DNAJA4: variants seen among roughly 807,000 people sequenced by gnomAD.
The protein encoded by DNAJA4 is DnaJ heat shock protein family (Hsp40) member A4.
A neutral mutation model predicts 39.7 loss-of-function variants in DNAJA4; 32 were observed. The ratio of observed to expected loss-of-function variants is 0.81; its 90% CI spans 0.61 to 1.08. The LOEUF is 1.08. Ranked by LOEUF, DNAJA4 falls within the 50% of genes least tolerant of loss-of-function variation. The pLI is 0.00. For missense variants in DNAJA4, 439 were observed against 505.1 expected (o/e 0.87, Z 1.25); for synonymous variants, 184 against 182.4 (o/e 1.01, Z -0.07).
chr15:78,266,026 A>G (rs1165103359), intron 1 of DNAJA4: 2 of 588,438 alleles, frequency 3.4e-6, no homozygotes, highest in African/African-American at 3.7e-5. Flanking sequence ...CAAGTTTAAA[A>G]TGCTTTCCTG....
intron 2 of DNAJA4, among the ~76,000 whole-genome samples, chr15:78,272,455 C>G (rs2049327917): frequency 6.6e-6 from 1 of 152,204 alleles, no homozygotes; most frequent in African/African-American, 2.4e-5. Flanking sequence ...AGCCAGTAAA[C>G]CAGGACAGCT....
chr15:78,268,477 T>C (rs1285211866), intron 1 of DNAJA4, among the ~76,000 whole-genome samples: 2 of 152,234 alleles, frequency 1.3e-5, no homozygotes, highest in African/African-American at 2.4e-5. Context: ...TGGTTACTTA[T>C]TAGATTTCAA....
chr15:78,274,684 CT>C, intron 4 of DNAJA4: 3 of 496,548 alleles, frequency 6.0e-6, no homozygotes, highest in Admixed American at 6.7e-5. Flanking sequence ...TTCTAACGCT[CT>C]GAAAGTCTTA....
Position 78,264,675 on chromosome 15 carries a change from G to A in DNAJA4, c.-89G>A. On this transcript the variant is annotated 5_prime_UTR_variant, in exon 1 of 7. Transcript: ENST00000394852. ...ACCGTGACGCGCGAGCGGGCGGCGG[G>A]GGCGCGGGCCAGGGGCGCGGGCCAG... 4 of 1,025,266 alleles carry A rather than the reference G, an allele frequency of 3.9e-6. No homozygotes were observed. The highest frequency in any genetic ancestry group is 4.7e-6 in the Non-Finnish European group (4 of 854,156). 63.5% of individuals were successfully genotyped at this position (1,025,266 alleles called of 1,614,324 possible).
At chr15:78,271,426 T>C (rs2049293407) in intron 2 of DNAJA4, among the ~76,000 whole-genome samples, 1 of 152,148 alleles carries the variant, frequency 6.6e-6, no homozygotes, top group Admixed American at 6.5e-5. Flanking sequence ...CTGCAGGCTC[T>C]CTAATTCTAG....
chr15:78,264,324 G>C, upstream of DNAJA4: 3 of 1,417,372 alleles, frequency 2.1e-6, no homozygotes, highest in Middle Eastern at 3.9e-4. Context: ...ATGGCCCGGG[G>C]CGGCAGTCAG....
At chr15:78,265,477 A>G in intron 1 of DNAJA4, 1 of 702,346 alleles carries the variant, frequency 1.4e-6, no homozygotes, top group Non-Finnish European at 2.6e-6. Context: ...TCTTTATTAA[A>G]CAGGGACACG....
At chr15:78,271,338 C>G (rs549851660) in intron 2 of DNAJA4, among the ~76,000 whole-genome samples, 61 of 152,208 alleles carry the variant, frequency 4.0e-4, no homozygotes, top group African/African-American at 1.4e-3. Context: ...TGTCAGTGAT[C>G]CTTTACCGAG....
At position 78,274,219 on chromosome 15, in the gene DNAJA4, G is replaced by A. The variant is rs371681037; in HGVS notation, c.441G>A (p.Ser147=). ...KCEGVGGKKG[S]VEKCPLCKGR... is the part of the protein sequence containing the mutation. ...CAGGTGTTGGTGGGAAGAAGGGATC[G>A]GTGGAGAAGTGCCCGCTGTGCAAGG... Residue 147 remains serine (S), a synonymous_variant, in exon 4 of 7, where the codon TCG becomes TCA. Transcript: ENST00000394852. 130 of 1,613,948 alleles carry A rather than the reference G, an allele frequency of 8.1e-5. 1 individual carries two copies. The highest frequency in any genetic ancestry group is 4.0e-4 in the South Asian group (36 of 91,070).
rs185596793 is a variant in DNAJA4 at position 78,265,830 on chromosome 15, G to A, written c.132+935G>A. 313 of 610,058 alleles carry A rather than the reference G, an allele frequency of 5.1e-4. 2 individuals are homozygous for A. In the East Asian group the frequency reaches 6.5e-3, roughly 13 times the overall value. 37.8% of individuals were successfully genotyped at this position (610,058 alleles called of 1,614,324 possible). A position where few individuals can be genotyped will look rare whatever the true frequency, so the allele number is the denominator to read the frequency against. ...ATAGTAGCTGATAGCAGTGTCACTT[G>A]GGCCACGTTTGAAACCACACCAATC... On this transcript the variant is annotated intron_variant, in intron 1 of 6. Transcript: ENST00000394852.
intron 2 of DNAJA4, among the ~76,000 whole-genome samples, chr15:78,272,333 C>T (rs2049324165): frequency 6.6e-6 from 1 of 152,118 alleles, no homozygotes; most frequent in African/African-American, 2.4e-5. Context: ...AAGACTCTGT[C>T]TCAAAAACAA....
chr15:78,275,564 G>T lies in DNAJA4; in HGVS notation c.713G>T (p.Gly238Val), dbSNP rs778208624. ...GATCAGGAGCCTGAGCTGGAGCCTG[G>T]TGATGTCATAATTGTGCTTGATCAG... ...EGDQEPELEPGDVIIVLDQKD... is the reference protein window; with the variant it reads ...EGDQEPELEPVDVIIVLDQKD... Residue 238 changes from glycine (G) to valine (V), a missense_variant, in exon 5 of 7, where the codon GGT becomes GTT. Physicochemically the swap from Gly to Val is moderately radical, Grantham distance 109. Coordinates refer to ENST00000394852, the MANE Select transcript of DNAJA4 (RefSeq NM_001130182.2). 1.2e-6 allele frequency: 2 copies of T among 1,614,184 alleles called. No homozygotes were observed. Among genetic ancestry groups the T allele is most frequent in the Admixed American group, 3.3e-5 (2 of 60,026 alleles).
Position 78,275,741 on chromosome 15 carries a change from AGT to A in DNAJA4, c.877+18_877+19del. 6.4e-7 allele frequency: 1 copy of A among 1,570,050 alleles called. No individual in the cohort carries two copies. On this transcript the variant is annotated intron_variant, in intron 5 of 6. Transcript: ENST00000394852. Reference sequence around the variant, plus strand: ...ACATCCAAAGCAGGTAATGTTTCAAAGTGTGTTTCCATTGATGTTCTGTATGT... The same window carrying A: ...ACATCCAAAGCAGGTAATGTTTCAAAGTGTTTCCATTGATGTTCTGTATGT...
At position 78,270,613 on chromosome 15, in the gene DNAJA4, T is replaced by C. The variant is rs1039721633; in HGVS notation, c.249T>C (p.Ser83=). ...KEGGSGSPSF[S]SPMDIFDMFF... is the part of the protein sequence containing the mutation. ...GAGGCTCAGGCAGCCCCAGCTTCTC[T>C]TCACCCATGGACATCTTTGACATGT... Residue 83 remains serine (S), a synonymous_variant, in exon 2 of 7, where the codon TCT becomes TCC. Coordinates refer to ENST00000394852, the MANE Select transcript of DNAJA4 (RefSeq NM_001130182.2). 5 of 1,614,034 alleles carry C rather than the reference T, an allele frequency of 3.1e-6. No homozygotes were observed. Among genetic ancestry groups the C allele is most frequent in the Non-Finnish European group, 3.4e-6 (4 of 1,179,984 alleles).
chr15:78,264,184 C>T (rs2049050654), upstream of DNAJA4: 1 of 609,412 alleles, frequency 1.6e-6, no homozygotes, highest in African/African-American at 1.9e-5. Context: ...CAACACAGCC[C>T]TCCAGGCCGC....
At position 78,276,299 on chromosome 15, in the gene DNAJA4, A is replaced by G. The variant is rs963539832; in HGVS notation, c.877+571A>G. Among the ~76,000 whole-genome samples the G allele has an allele frequency of 2.6e-5, 4 of 152,252 alleles. No individual in the cohort carries two copies. In the South Asian group the frequency reaches 8.3e-4, roughly 32 times the overall value. On this transcript the variant is annotated intron_variant, in intron 5 of 6. Coordinates refer to ENST00000394852, the MANE Select transcript of DNAJA4 (RefSeq NM_001130182.2). ...TTTAAAATAGAATTTTCCTGTAAGA[A>G]AGACTTTGCCTATCAGTTTATCCTT... is the stretch of plus-strand genomic sequence containing the variant.
Position 78,279,672 on chromosome 15 carries a change from C to T in DNAJA4, c.878-373C>T, listed in dbSNP as rs1595929808. ...GTCTGTGGGGAGCACTCCTGTCCCC[C>T]TCGTGGTAGGGATACCTGTCACCCC... On this transcript the variant is annotated intron_variant, in intron 5 of 6. Coordinates refer to ENST00000394852, the MANE Select transcript of DNAJA4 (RefSeq NM_001130182.2). The surrounding 1 kb of genome is among the most constrained non-coding windows in gnomAD (Gnocchi z 4.5). 4.0e-6 allele frequency: 1 copy of T among 252,898 alleles called. No individual in the cohort carries two copies. The highest frequency in any genetic ancestry group is 7.7e-6 in the Non-Finnish European group (1 of 130,590). The allele number at this position is 252,898 out of a possible 1,614,324, so 15.7% of individuals were successfully genotyped here.
chr15:78,266,310 G>A, intron 1 of DNAJA4: 1 of 1,609,866 alleles, frequency 6.2e-7, no homozygotes, highest in Non-Finnish European at 8.5e-7. Context: ...TCATGCCTCT[G>A]TGTATACAGT....
Position 78,264,910 on chromosome 15 carries a change from G to A in DNAJA4, c.132+15G>A, listed in dbSNP as rs755462064. The stretch of plus-strand genomic sequence containing the variant: ...AGGGCGAGAAGGTGCGGGGCGGCGC[G>A]GGGCACGGGCCGGGCTCCCGAGGGG... On this transcript the variant is annotated intron_variant, in intron 1 of 6. Coordinates refer to ENST00000394852, the MANE Select transcript of DNAJA4 (RefSeq NM_001130182.2). 8 of 1,579,366 alleles carry A rather than the reference G, an allele frequency of 5.1e-6. No homozygotes were observed. Among genetic ancestry groups the A allele is most frequent in the South Asian group, 1.1e-5 (1 of 87,572 alleles).
Sources: gnomAD v4.1 joint callset for allele counts (sites outside exome capture counted in the v4.1 genomes callset) on GRCh38, gnomAD v4.1.1 for gene constraint, Gnocchi (gnomAD v3.1) non-coding constraint, MANE v1.5 for transcripts, NCBI Gene and HGNC (gene_info 2026-07-23, HGNC 2026-07-21) for gene names.